Variants in ADAMTSL1 observed in about 807,000 individuals in gnomAD.
The protein encoded by ADAMTSL1 is ADAMTS-like protein 1.
In ADAMTSL1, 126 loss-of-function variants were observed where a neutral mutation model predicts 201.8. That is an observed-to-expected ratio of 0.62 (90% CI 0.54 to 0.72). The LOEUF (loss-of-function observed/expected upper bound fraction) is 0.72, where lower values mean the gene tolerates loss of function less well. Among genes scored for constraint, ADAMTSL1 ranks in the 30% least tolerant of loss-of-function variants. The probability of loss-of-function intolerance (pLI) is 0.00; values close to 1 mark genes in which losing one functional copy is unlikely to be tolerated. For missense variants in ADAMTSL1, 2,679 were observed against 2,277.8 expected (o/e 1.18, Z -3.59); for synonymous variants, 1,121 against 903.4 (o/e 1.24, Z -4.32).
intron 16 of ADAMTSL1, among the ~76,000 whole-genome samples, chr9:18,768,603 T>A (rs1820500046): frequency 6.6e-6 from 1 of 152,142 alleles, no homozygotes; most frequent in African/African-American, 2.4e-5. Context: ...GGGACTCAAT[T>A]ATTTTTTTAA....
chr9:18,144,231 C>T (rs542191624), intron 1 of ADAMTSL1, among the ~76,000 whole-genome samples: 1 of 151,446 alleles, frequency 6.6e-6, no homozygotes, highest in African/African-American at 2.4e-5. Context: ...TTTTTTGAGA[C>T]CGAGTGTCCC....
intron 1 of ADAMTSL1, among the ~76,000 whole-genome samples, chr9:18,089,891 G>T (rs1029614552): frequency 6.6e-6 from 1 of 150,964 alleles, no homozygotes. Flanking sequence ...CTGTTATAAG[G>T]GTAGATCTGT....
chr9:18,849,563 C>G lies in ADAMTSL1; in HGVS notation c.4249+19586C>G, dbSNP rs114810670. ...TAATCCACACTGCAGACCCACCCAA[C>G]AGGTGGCAAGGAAGGTGATGCCAAG... On this transcript the variant is annotated intron_variant, in intron 23 of 28. Transcript: ENST00000380548. Among the ~76,000 whole-genome samples the G allele has an allele frequency of 4.4e-3, 671 of 152,244 alleles. 8 individuals are homozygous for G. The highest frequency in any genetic ancestry group is 0.015 in the African/African-American group (635 of 41,526).
At chr9:18,525,120 C>G (rs988152672) in intron 2 of ADAMTSL1, among the ~76,000 whole-genome samples, 32 of 152,096 alleles carry the variant, frequency 2.1e-4, no homozygotes, top group African/African-American at 6.3e-4. Flanking sequence ...AATTTCAGAG[C>G]CTGTTATTGG....
At chr9:18,092,602 T>C (rs1252737275) in intron 1 of ADAMTSL1, among the ~76,000 whole-genome samples, 1 of 152,218 alleles carries the variant, frequency 6.6e-6, no homozygotes, top group Non-Finnish European at 1.5e-5. Context: ...CTTTGGATTT[T>C]CCCAGTCTTT....
intron 1 of ADAMTSL1, 144 bp downstream of exon 1, chr9:18,474,439 G>A (rs1222643742): frequency 3.5e-6 from 3 of 849,696 alleles, no homozygotes; most frequent in Non-Finnish European, 5.6e-6. Context: ...ATTACAAAGA[G>A]AGAATACTCC....
intron 2 of ADAMTSL1, among the ~76,000 whole-genome samples, chr9:18,408,154 C>G (rs1016242045): frequency 6.6e-6 from 1 of 152,068 alleles, no homozygotes; most frequent in Non-Finnish European, 1.5e-5. Flanking sequence ...AGAGGAACAG[C>G]TATCCATCCT....
At chr9:18,732,510 C>G (rs1244632055) in intron 15 of ADAMTSL1, among the ~76,000 whole-genome samples, 2 of 152,148 alleles carry the variant, frequency 1.3e-5, no homozygotes, top group Non-Finnish European at 2.9e-5. Context: ...AAGTTAATAT[C>G]CTGTGTGACA....
chr9:17,981,540 G>C (rs1818695200), intron 1 of ADAMTSL1, among the ~76,000 whole-genome samples: 1 of 152,178 alleles, frequency 6.6e-6, no homozygotes, highest in African/African-American at 2.4e-5. Flanking sequence ...CATCAACCTT[G>C]AAAATTGTTC....
At chr9:18,576,334 A>G (rs1188377447) in intron 4 of ADAMTSL1, among the ~76,000 whole-genome samples, 1 of 152,184 alleles carries the variant, frequency 6.6e-6, no homozygotes, top group Non-Finnish European at 1.5e-5. Flanking sequence ...TGCAGTAAGA[A>G]TAGGGAGGTA....
chr9:18,042,574 T>C (rs1475139482), intron 1 of ADAMTSL1, among the ~76,000 whole-genome samples: 2 of 152,158 alleles, frequency 1.3e-5, no homozygotes, highest in African/African-American at 2.4e-5. Context: ...TCTTCATTGC[T>C]ACTCTATTCT....
chr9:17,935,255 C>G (rs1588441214), intron 1 of ADAMTSL1, among the ~76,000 whole-genome samples: 1 of 152,118 alleles, frequency 6.6e-6, no homozygotes, highest in African/African-American at 2.4e-5. Context: ...ACCCCACACC[C>G]TCCTTTCCTC....
chr9:18,711,528 G>A (rs1157362518), intron 14 of ADAMTSL1, among the ~76,000 whole-genome samples: 5 of 152,316 alleles, frequency 3.3e-5, no homozygotes, highest in African/African-American at 7.2e-5. Context: ...CAAATACTGC[G>A]CTTTTCCGAC....
At chr9:18,853,889 CTGTGTG>C (rs71333070) in intron 23 of ADAMTSL1, among the ~76,000 whole-genome samples, 8 of 120,364 alleles carry the variant, frequency 6.6e-5, no homozygotes, top group Admixed American at 1.8e-4. Flanking sequence ...TATTCACTCT[CTGTGTG>C]TGTGTGTGTG....
intron 1 of ADAMTSL1, among the ~76,000 whole-genome samples, chr9:18,043,365 T>C (rs766035728): frequency 6.6e-6 from 1 of 152,100 alleles, no homozygotes; most frequent in Non-Finnish European, 1.5e-5. Flanking sequence ...AAAAAATTTT[T>C]TGGGGGGATG....
intron 2 of ADAMTSL1, among the ~76,000 whole-genome samples, chr9:18,529,099 TCA>T (rs1419335696): frequency 6.6e-6 from 1 of 152,240 alleles, no homozygotes; most frequent in African/African-American, 2.4e-5. Context: ...GGTGGAATAG[TCA>T]CCTAGCTACT....
At chr9:18,632,640 A>G (rs532804996) in intron 5 of ADAMTSL1, among the ~76,000 whole-genome samples, 4 of 152,246 alleles carry the variant, frequency 2.6e-5, no homozygotes, top group Non-Finnish European at 4.4e-5. Context: ...CTGAATCCCT[A>G]GTACCTAGCA....
At chr9:18,599,632 G>A (rs1249259988) in intron 4 of ADAMTSL1, among the ~76,000 whole-genome samples, 1 of 151,974 alleles carries the variant, frequency 6.6e-6, no homozygotes, top group Non-Finnish European at 1.5e-5. Context: ...TCATTTTTTA[G>A]TTTTCTCCCT....
intron 4 of ADAMTSL1, among the ~76,000 whole-genome samples, chr9:18,603,073 T>A (rs1824764365): frequency 6.6e-6 from 1 of 152,210 alleles, no homozygotes; most frequent in African/African-American, 2.4e-5. Flanking sequence ...CCAACTAACA[T>A]CCACTTACTT....
Sources: gnomAD v4.1 joint callset for allele counts (sites outside exome capture counted in the v4.1 genomes callset) on GRCh38, gnomAD v4.1.1 for gene constraint, MANE v1.5 for transcripts, NCBI Gene and HGNC (gene_info 2026-07-23, HGNC 2026-07-21) for gene names.